Variants in MCHR2 observed in about 807,000 individuals in gnomAD.
MCHR2 encodes melanin concentrating hormone receptor 2.
Under a neutral mutation model 24.8 loss-of-function variants are expected in MCHR2, and 15 were observed. The observed-to-expected ratio is 0.60, with a 90% CI of 0.40 to 0.93. The LOEUF is 0.93. MCHR2 is among the 40% of genes least tolerant of loss of function. MCHR2 has a pLI of 0.00. For synonymous variants in MCHR2, 151 were observed against 147.6 expected (o/e 1.02, Z -0.17); for missense variants, 386 against 408.7 (o/e 0.94, Z 0.48).
At chr6:99,921,433 C>T (rs990154018) in intron 5 of MCHR2, among the ~76,000 whole-genome samples, 178 bp from the exon 6 acceptor site, 2 of 152,088 alleles carry the variant, frequency 1.3e-5, no homozygotes, top group Admixed American at 6.5e-5. Context: ...TTGTTGAAAA[C>T]TTTCCAAAGT....
Position 99,920,418 on chromosome 6 carries a change from G to A in MCHR2, c.*522C>T, listed in dbSNP as rs1774199447. 1 of 155,294 alleles carries A rather than the reference G, an allele frequency of 6.4e-6. No individual in the cohort carries two copies. Among genetic ancestry groups the A allele is most frequent in the Admixed American group, 6.2e-5 (1 of 16,070 alleles). The allele number at this position is 155,294 out of a possible 1,614,324, so 9.6% of individuals were successfully genotyped here. A position where few individuals can be genotyped will look rare whatever the true frequency, so the allele number is the denominator to read the frequency against. ...ACATGTAATCTTACACATTGCATGT[G>A]TGCAATAAATGGTAACTTATTCTAA... On this transcript the variant is annotated 3_prime_UTR_variant, in exon 6 of 6. Transcript: ENST00000281806.
intron 1 of MCHR2, among the ~76,000 whole-genome samples, chr6:99,966,113 T>A (rs1055685266): frequency 6.6e-6 from 1 of 152,198 alleles, no homozygotes; most frequent in Non-Finnish European, 1.5e-5. Context: ...TTTCCAGCTC[T>A]CAAGTCCTTT....
chr6:99,965,386 A>C (rs971473589), intron 1 of MCHR2, among the ~76,000 whole-genome samples: 3 of 152,200 alleles, frequency 2.0e-5, no homozygotes, highest in African/African-American at 4.8e-5. Context: ...ACAAAAATGT[A>C]GCAAAAGAGC....
At chr6:99,978,892 C>T (rs888782728) in intron 1 of MCHR2, among the ~76,000 whole-genome samples, 1 of 152,052 alleles carries the variant, frequency 6.6e-6, no homozygotes, top group Admixed American at 6.6e-5. Context: ...CCTGTTCTGA[C>T]GTTGGTTGGA....
At position 99,936,567 on chromosome 6, in the gene MCHR2, G is replaced by A. The variant is rs538463296; in HGVS notation, c.588-2050C>T. ...TTCGTCAATGTGTCTTTTTATGCCA[G>A]TACCATGCTGCTTTGGTTACTATAG... On this transcript the variant is annotated intron_variant, in intron 4 of 5. Coordinates refer to ENST00000281806, the MANE Select transcript of MCHR2 (RefSeq NM_001040179.2). Among the ~76,000 whole-genome samples, 410 of 152,078 alleles carry A rather than the reference G, an allele frequency of 2.7e-3. 2 individuals are homozygous for A. The highest frequency in any genetic ancestry group is 9.5e-3 in the African/African-American group (393 of 41,540).
Position 99,942,978 on chromosome 6 carries a change from A to C in MCHR2, c.558T>G (p.Phe186Leu). ...GTACATCGTCAGGGGATGTCAAATC[A>C]AAAGCACAACTCTCAACACCGTCTT... ...KFKDGVESCA[F>L]DLTSPDDVLW... Residue 186 changes from phenylalanine (F) to leucine (L), a missense_variant, in exon 4 of 6, where the codon TTT becomes TTG. Coordinates refer to ENST00000281806, the MANE Select transcript of MCHR2 (RefSeq NM_001040179.2). 6.2e-7 allele frequency: 1 copy of C among 1,612,272 alleles called. No individual in the cohort carries two copies. Among genetic ancestry groups the C allele is most frequent in the Non-Finnish European group, 8.5e-7 (1 of 1,178,920 alleles).
intron 3 of MCHR2, among the ~76,000 whole-genome samples, chr6:99,945,617 T>C (rs1045296170): frequency 6.6e-6 from 1 of 152,204 alleles, no homozygotes. Flanking sequence ...CATTTAGTTA[T>C]GATCTTACAA....
intron 1 of MCHR2, among the ~76,000 whole-genome samples, chr6:99,980,626 CAG>C (rs1775649969): frequency 6.6e-6 from 1 of 151,684 alleles, no homozygotes; most frequent in Non-Finnish European, 1.5e-5. Flanking sequence ...CAGAGAGAGA[CAG>C]AGAAAAAAAA....
At chr6:99,969,488 A>AC (rs200581936) in intron 1 of MCHR2, among the ~76,000 whole-genome samples, 2 of 148,746 alleles carry the variant, frequency 1.3e-5, no homozygotes, top group East Asian at 4.1e-4. Flanking sequence ...AAAAAAAAAA[A>AC]AAAAGAAAAG....
intron 1 of MCHR2, among the ~76,000 whole-genome samples, chr6:99,971,764 G>T (rs1352924104): frequency 6.6e-6 from 1 of 152,144 alleles, no homozygotes; most frequent in Non-Finnish European, 1.5e-5. Context: ...AGAGTTTTTA[G>T]CATGAAGTGT....
chr6:99,982,218 G>T (rs903234223), intron 1 of MCHR2, among the ~76,000 whole-genome samples: 3 of 151,918 alleles, frequency 2.0e-5, no homozygotes, highest in African/African-American at 7.3e-5. Context: ...TCAGTCTTTT[G>T]TGGTCCATTT....
At chr6:99,988,299 C>T (rs1326156074) in intron 1 of MCHR2, among the ~76,000 whole-genome samples, 3 of 152,116 alleles carry the variant, frequency 2.0e-5, no homozygotes, top group Non-Finnish European at 4.4e-5. Flanking sequence ...TGCAGCTATC[C>T]TCAGTATACA....
chr6:99,967,769 T>C (rs983180628), intron 1 of MCHR2, among the ~76,000 whole-genome samples: 1 of 152,286 alleles, frequency 6.6e-6, no homozygotes, highest in Admixed American at 6.5e-5. Context: ...TTTTATACAT[T>C]TGCTCTCCAA....
At chr6:99,970,221 G>A (rs1377340795) in intron 1 of MCHR2, among the ~76,000 whole-genome samples, 1 of 151,788 alleles carries the variant, frequency 6.6e-6, no homozygotes, top group African/African-American at 2.4e-5. Context: ...TCCAGCACCT[G>A]TTGTTTCCTG....
At position 99,956,396 on chromosome 6, in the gene MCHR2, T is replaced by C. The variant is rs182247939; in HGVS notation, c.-27-222A>G. ...TTACAGAACAACTTGAGAAGCATCA[T>C]GATAATCTTTGTATCTTACCACATC... is the stretch of plus-strand genomic sequence containing the variant. On this transcript the variant is annotated intron_variant, in intron 1 of 5. Coordinates refer to ENST00000281806, the MANE Select transcript of MCHR2 (RefSeq NM_001040179.2). 9.4e-4 allele frequency among the ~76,000 whole-genome samples: 143 copies of C among 152,272 alleles called. No homozygotes were observed. In the Middle Eastern group the frequency reaches 0.017, roughly 18 times the overall value.
At chr6:99,962,485 A>G (rs1775207829) in intron 1 of MCHR2, among the ~76,000 whole-genome samples, 1 of 152,186 alleles carries the variant, frequency 6.6e-6, no homozygotes, top group Non-Finnish European at 1.5e-5. Flanking sequence ...GTGCCAAAGT[A>G]TACAATTGAG....
chr6:99,982,467 G>GAAAAAAAAAA lies in MCHR2; in HGVS notation c.-28+11459_-28+11468dup. Among the ~76,000 whole-genome samples the GAAAAAAAAAA allele has an allele frequency of 4.3e-5, 2 of 46,634 alleles. 1 individual carries two copies. Among genetic ancestry groups the GAAAAAAAAAA allele is most frequent in the Non-Finnish European group, 7.0e-5 (2 of 28,542 alleles). The allele number at this position is 46,634 out of a possible 152,430, so 30.6% of individuals were successfully genotyped here. A position where few individuals can be genotyped will look rare whatever the true frequency, so the allele number is the denominator to read the frequency against. The stretch of plus-strand genomic sequence containing the variant: ...AATATGGAGAAACCTTGTCTGTACA[G>GAAAAAAAAAA]AAAAAAAAAAAAAAAAAAAAAAAAA... On this transcript the variant is annotated intron_variant, in intron 1 of 5. Transcript: ENST00000281806.
At chr6:99,992,280 G>A (rs1258589942) in intron 1 of MCHR2, among the ~76,000 whole-genome samples, 1 of 152,212 alleles carries the variant, frequency 6.6e-6, no homozygotes, top group East Asian at 1.9e-4. Context: ...TCCTGTGAAG[G>A]GGGAGGCTCC....
At chr6:99,949,936 A>G (rs937229640) in intron 2 of MCHR2, among the ~76,000 whole-genome samples, 4 of 148,860 alleles carry the variant, frequency 2.7e-5, no homozygotes, top group Non-Finnish European at 4.5e-5. Flanking sequence ...AAAAAAAATC[A>G]TAAATCTTAG....
Sources: allele counts gnomAD v4.1 joint callset (sites outside exome capture counted in the v4.1 genomes callset), GRCh38; gene constraint gnomAD v4.1.1; transcripts MANE v1.5; gene names NCBI Gene and HGNC (gene_info 2026-07-23, HGNC 2026-07-21).